Variants in PCDHA9 observed in about 807,000 individuals in gnomAD.
The protein encoded by PCDHA9 is protocadherin alpha-9.
In PCDHA9, 62 loss-of-function variants were observed where a neutral mutation model predicts 62.0. The observed-to-expected ratio is 1.00, with a 90% CI of 0.81 to 1.23. The LOEUF (loss-of-function observed/expected upper bound fraction) is 1.23, where lower values mean the gene tolerates loss of function less well. Ranked by LOEUF, PCDHA9 falls within the 50% of genes most tolerant of loss-of-function variation. The pLI, the probability that PCDHA9 is intolerant of heterozygous loss-of-function variation, is 0.00. For synonymous variants in PCDHA9, 557 were observed against 567.6 expected, an observed-to-expected ratio of 0.98 and a Z score of 0.27; for missense variants, 1,205 against 1,249.8, an observed-to-expected ratio of 0.96 and a Z score of 0.54.
intron 1 of PCDHA9, among the ~76,000 whole-genome samples, chr5:140,922,731 T>A (rs59295733): frequency 0.057 from 8,631 of 152,032 alleles, 722 homozygotes; most frequent in African/African-American, 0.19. Flanking sequence ...CTTGACAAGG[T>A]TGAGAAAAAT....
At chr5:140,862,599 G>A (rs2047441695) in intron 1 of PCDHA9, 1 of 513,082 alleles carries the variant, frequency 1.9e-6, no homozygotes, top group East Asian at 5.2e-5. Context: ...AGTACATGGT[G>A]TTCGTGAAAG....
At chr5:140,948,868 G>A (rs191976148) in intron 1 of PCDHA9, among the ~76,000 whole-genome samples, 20 of 151,330 alleles carry the variant, frequency 1.3e-4, no homozygotes, top group African/African-American at 4.8e-4. Context: ...ATTACTTCGG[G>A]TTTACTTTGC....
intron 1 of PCDHA9, among the ~76,000 whole-genome samples, chr5:140,880,631 A>T (rs1048791670): frequency 6.6e-6 from 1 of 152,206 alleles, no homozygotes; most frequent in Non-Finnish European, 1.5e-5. Context: ...GTTAATTATC[A>T]ATTCACTTGA....
intron 3 of PCDHA9, among the ~76,000 whole-genome samples, chr5:140,997,668 T>TTGTGTGTGTGTGTG (rs35184029): frequency 1.7e-4 from 25 of 148,344 alleles, no homozygotes; most frequent in African/African-American, 6.2e-4. Flanking sequence ...ATTATACAGC[T>TTGTGTGTGTGTGTG]TGTGTGTGTG....
intron 1 of PCDHA9, among the ~76,000 whole-genome samples, chr5:140,891,953 T>G (rs1056816293): frequency 6.6e-6 from 1 of 152,238 alleles, no homozygotes; most frequent in African/African-American, 2.4e-5. Flanking sequence ...GCTCCAGAAT[T>G]GTGAGAAGTA....
chr5:140,857,754 C>G, intron 1 of PCDHA9: 1 of 1,597,392 alleles, frequency 6.3e-7, no homozygotes, highest in Non-Finnish European at 8.6e-7. Flanking sequence ...GCGTCTCCCG[C>G]TGGCAGCGCG....
intron 1 of PCDHA9, among the ~76,000 whole-genome samples, chr5:140,880,576 A>G (rs1274181037): frequency 6.6e-6 from 1 of 152,216 alleles, no homozygotes; most frequent in African/African-American, 2.4e-5. Flanking sequence ...ATTTGAGAAG[A>G]GAGGAAAGAG....
At chr5:140,854,883 G>A (rs1356000756) in intron 1 of PCDHA9, among the ~76,000 whole-genome samples, 2 of 149,592 alleles carry the variant, frequency 1.3e-5, no homozygotes, top group Admixed American at 1.3e-4. Flanking sequence ...TGTCTTTTGG[G>A]CATTTGAAAA....
chr5:140,875,246 C>A (rs2055373842), intron 1 of PCDHA9: 3 of 955,372 alleles, frequency 3.1e-6, no homozygotes, highest in Non-Finnish European at 4.4e-6. Flanking sequence ...CTTACATAAT[C>A]AGTCACATGA....
At chr5:140,925,219 AG>A (rs1324328907) in intron 1 of PCDHA9, among the ~76,000 whole-genome samples, 1 of 152,238 alleles carries the variant, frequency 6.6e-6, no homozygotes, top group Admixed American at 6.5e-5. Context: ...ACTTTTAGGC[AG>A]GTTTCTACCA....
intron 1 of PCDHA9, among the ~76,000 whole-genome samples, chr5:140,909,076 G>A (rs556959550): frequency 3.3e-5 from 5 of 152,294 alleles, no homozygotes; most frequent in African/African-American, 7.2e-5. Context: ...TAAGCCCAGT[G>A]TGTTTGCTAC....
Position 140,883,846 on chromosome 5 carries a change from G to A in PCDHA9, c.2394+32957G>A, listed in dbSNP as rs782516685. On this transcript the variant is annotated intron_variant, in intron 1 of 3. Coordinates refer to ENST00000532602, the MANE Select transcript of PCDHA9 (RefSeq NM_031857.2). ...ACGCGCTGCAGCCGTTGGACCACGA[G>A]GAGCTGGAGCTGTTGCAGTTCCAGG... is the stretch of plus-strand genomic sequence containing the variant. The A allele has an allele frequency of 6.8e-6, 11 of 1,612,790 alleles. 1 individual carries two copies. In the Admixed American group the frequency reaches 1.7e-4, roughly 24 times the overall value.
At chr5:140,857,833 A>C (rs1554150723) in intron 1 of PCDHA9, 1 of 1,597,676 alleles carries the variant, frequency 6.3e-7, no homozygotes. Context: ...AGGTGCGCGC[A>C]GTGGACGCTG....
At chr5:140,968,463 A>G (rs1012242019) in intron 1 of PCDHA9, 6 of 1,613,994 alleles carry the variant, frequency 3.7e-6, no homozygotes, top group Middle Eastern at 1.6e-4. Context: ...GTGACTGCCA[A>G]CGTATATGTG....
chr5:140,969,310 T>C, intron 1 of PCDHA9: 2 of 1,614,198 alleles, frequency 1.2e-6, no homozygotes, highest in East Asian at 2.2e-5. Context: ...TTCTCAAAAA[T>C]GAGGCTGTTT....
intron 1 of PCDHA9, chr5:140,856,123 G>A (rs782708607): frequency 6.3e-7 from 1 of 1,598,078 alleles, no homozygotes; most frequent in African/African-American, 1.3e-5. Flanking sequence ...CCTGGGAGGT[G>A]GGGAGCGGCC....
At chr5:140,997,420 G>A (rs1300822693) in intron 3 of PCDHA9, among the ~76,000 whole-genome samples, 4 of 152,042 alleles carry the variant, frequency 2.6e-5, no homozygotes, top group African/African-American at 9.7e-5. Flanking sequence ...TTTCTCCTAG[G>A]CTACAAACCT....
chr5:141,005,701 CAAAAAAAAAAAAA>C (rs59860837), intron 3 of PCDHA9, among the ~76,000 whole-genome samples: 12 of 7,786 alleles, frequency 1.5e-3, no homozygotes, highest in Non-Finnish European at 2.7e-3. Context: ...AACTCCGTCT[CAAAAAAAAAAAAA>C]AAAAAAAAAA....
At chr5:140,995,087 C>T (rs1482673933) in intron 3 of PCDHA9, among the ~76,000 whole-genome samples, 1 of 152,222 alleles carries the variant, frequency 6.6e-6, no homozygotes, top group Non-Finnish European at 1.5e-5. Flanking sequence ...CCAAACTTAT[C>T]TGTGGAGATA....
Sources: gnomAD v4.1 joint callset for allele counts (sites outside exome capture counted in the v4.1 genomes callset) on GRCh38, gnomAD v4.1.1 for gene constraint, MANE v1.5 for transcripts, NCBI Gene and HGNC (gene_info 2026-07-23, HGNC 2026-07-21) for gene names.